SGCZ: variants seen among roughly 807,000 people sequenced by gnomAD.
SGCZ encodes the protein sarcoglycan zeta.
SGCZ carries 40 observed loss-of-function variants against 41.3 expected under a neutral mutation model. The observed-to-expected ratio is 0.97, with a 90% confidence interval of 0.75 to 1.26. The LOEUF (loss-of-function observed/expected upper bound fraction) is 1.26. SGCZ is among the 50% of genes most tolerant of loss of function. The pLI, the probability that SGCZ is intolerant of heterozygous loss-of-function variation, is 0.00. For synonymous variants in SGCZ, 206 were observed against 137.5 expected, an observed-to-expected ratio of 1.50 and a Z score of -3.49; for missense variants, 552 against 369.8, an observed-to-expected ratio of 1.49 and a Z score of -4.04.
intron 1 of SGCZ, among the ~76,000 whole-genome samples, chr8:15,052,030 T>G (rs1468093463): frequency 6.6e-6 from 1 of 152,130 alleles, no homozygotes; most frequent in Non-Finnish European, 1.5e-5. Context: ...AAAGCTTGGA[T>G]GGTGAAGGGA....
intron 4 of SGCZ, among the ~76,000 whole-genome samples, chr8:14,221,665 G>A (rs34227627): frequency 0.24 from 36,205 of 152,046 alleles, 5,543 homozygotes; most frequent in Non-Finnish European, 0.34. Flanking sequence ...GTCGGGTGTG[G>A]TGGCTCATGC....
At chr8:14,685,450 A>G (rs965682392) in intron 1 of SGCZ, among the ~76,000 whole-genome samples, 1 of 152,160 alleles carries the variant, frequency 6.6e-6, no homozygotes. Flanking sequence ...AAACTTTTCA[A>G]TCCCATAGTT....
intron 3 of SGCZ, among the ~76,000 whole-genome samples, chr8:14,288,393 A>C (rs1800715688): frequency 6.6e-6 from 1 of 152,150 alleles, no homozygotes; most frequent in African/African-American, 2.4e-5. Context: ...ATTCTTCAGC[A>C]TTCCAAAAGG....
At chr8:14,994,585 C>CA (rs72144514) in intron 1 of SGCZ, among the ~76,000 whole-genome samples, 1,868 of 127,648 alleles carry the variant, frequency 0.015, 15 homozygotes, top group Middle Eastern at 0.02. Context: ...ACTGTGCATC[C>CA]AAAAAAAAAA....
At chr8:14,541,372 C>G (rs538607850) in intron 2 of SGCZ, among the ~76,000 whole-genome samples, 3 of 151,972 alleles carry the variant, frequency 2.0e-5, no homozygotes, top group African/African-American at 7.2e-5. Context: ...CATTGTTCAG[C>G]TCCGAGTGAG....
intron 1 of SGCZ, among the ~76,000 whole-genome samples, chr8:15,128,842 C>A (rs1223282782): frequency 6.6e-6 from 1 of 152,182 alleles, no homozygotes; most frequent in Non-Finnish European, 1.5e-5. Context: ...TCCCCTTAGA[C>A]TGCTGAACTT....
At chr8:14,633,413 T>C (rs1455081672) in intron 1 of SGCZ, among the ~76,000 whole-genome samples, 1 of 151,994 alleles carries the variant, frequency 6.6e-6, no homozygotes, top group Non-Finnish European at 1.5e-5. Flanking sequence ...AAATGTTCTT[T>C]TGAATAAGTA....
At chr8:14,597,036 G>A (rs1004159196) in intron 1 of SGCZ, among the ~76,000 whole-genome samples, 4 of 152,088 alleles carry the variant, frequency 2.6e-5, no homozygotes, top group East Asian at 1.9e-4. Context: ...TCCTCAAAAC[G>A]CCTGAGGTAG....
At chr8:14,426,820 G>A (rs1022012396) in intron 2 of SGCZ, among the ~76,000 whole-genome samples, 6 of 151,998 alleles carry the variant, frequency 3.9e-5, no homozygotes, top group African/African-American at 1.2e-4. Context: ...TGCAAAGATT[G>A]GAAATATATC....
chr8:14,291,604 C>G (rs1800845228), intron 3 of SGCZ, among the ~76,000 whole-genome samples: 2 of 151,738 alleles, frequency 1.3e-5, no homozygotes, highest in Non-Finnish European at 2.9e-5. Context: ...AGTTGTTTTA[C>G]TAATAAATTA....
chr8:15,097,863 T>TATATATATATATAC (rs1563124023), intron 1 of SGCZ, among the ~76,000 whole-genome samples: 18 of 22,808 alleles, frequency 7.9e-4, no homozygotes, highest in African/African-American at 2.3e-3. Context: ...TATACGTGTG[T>TATATATATATATAC]GTGTATATAT....
At chr8:15,023,802 G>GT (rs1297720695) in intron 1 of SGCZ, among the ~76,000 whole-genome samples, 1 of 152,170 alleles carries the variant, frequency 6.6e-6, no homozygotes, top group Non-Finnish European at 1.5e-5. Context: ...CATTTGGCCT[G>GT]TGAGCCTGCC....
At chr8:14,163,206 G>A (rs75251009) in intron 5 of SGCZ, among the ~76,000 whole-genome samples, 3,497 of 152,192 alleles carry the variant, frequency 0.023, 107 homozygotes, top group East Asian at 0.12. Flanking sequence ...ACATGTGAAG[G>A]TTTGTTACAG....
At chr8:14,380,762 G>C (rs1467038009) in intron 2 of SGCZ, among the ~76,000 whole-genome samples, 1 of 152,148 alleles carries the variant, frequency 6.6e-6, no homozygotes, top group Non-Finnish European at 1.5e-5. Context: ...GGAAGGCCGA[G>C]GTAGGAGAAT....
intron 1 of SGCZ, among the ~76,000 whole-genome samples, chr8:14,914,405 T>C (rs1799365963): frequency 6.6e-6 from 1 of 152,168 alleles, no homozygotes; most frequent in Non-Finnish European, 1.5e-5. Context: ...CCTGTATTTA[T>C]GCTCCTGGTT....
At chr8:14,663,279 G>A (rs1807813050) in intron 1 of SGCZ, among the ~76,000 whole-genome samples, 1 of 152,048 alleles carries the variant, frequency 6.6e-6, no homozygotes, top group South Asian at 2.1e-4. Context: ...CACATTATTA[G>A]CATCCCATAA....
At chr8:14,562,621 T>C (rs1393228063) in intron 1 of SGCZ, among the ~76,000 whole-genome samples, 3 of 152,120 alleles carry the variant, frequency 2.0e-5, no homozygotes, top group East Asian at 1.9e-4. Flanking sequence ...AAGAAGTTTT[T>C]ATTTGAAGGC....
intron 1 of SGCZ, among the ~76,000 whole-genome samples, chr8:14,765,506 G>T: frequency 6.6e-6 from 1 of 152,112 alleles, no homozygotes; most frequent in Admixed American, 6.5e-5. Flanking sequence ...CTCTCTATCC[G>T]TTCATATACA....
intron 1 of SGCZ, among the ~76,000 whole-genome samples, chr8:14,851,824 T>C (rs1411962257): frequency 6.6e-6 from 1 of 152,168 alleles, no homozygotes; most frequent in East Asian, 1.9e-4. Context: ...AAGGATATTG[T>C]GCCCATCTTC....
Sources: gnomAD v4.1 joint callset for allele counts (sites outside exome capture counted in the v4.1 genomes callset) on GRCh38, gnomAD v4.1.1 for gene constraint, MANE v1.5 for transcripts, NCBI Gene and HGNC (gene_info 2026-07-23, HGNC 2026-07-21) for gene names.